DAGLB: variants seen among roughly 807,000 people sequenced by gnomAD.
The protein encoded by DAGLB is diacylglycerol lipase-beta.
In DAGLB, 66 loss-of-function variants were observed where a neutral mutation model predicts 72.1. The ratio of observed to expected loss-of-function variants is 0.92; its 90% CI spans 0.75 to 1.12. DAGLB has a LOEUF of 1.12. DAGLB is among the 50% of genes most tolerant of loss of function. DAGLB has a pLI of 0.00. For synonymous variants in DAGLB, 414 were observed against 359.5 expected, an observed-to-expected ratio of 1.15 and a Z score of -1.71; for missense variants, 1,065 against 884.9, an observed-to-expected ratio of 1.20 and a Z score of -2.58.
At chr7:6,436,565 T>C in intron 2 of DAGLB, 32 bp from the exon 3 acceptor site, 4 of 1,613,256 alleles carry the variant, frequency 2.5e-6, no homozygotes, top group Non-Finnish European at 2.5e-6. Context: ...GACTGCTCAG[T>C]TGCTTCCTCA....
rs1350495521 is a variant in DAGLB, at chr7:6,409,525, C to T, written c.*312G>A. The T allele has an allele frequency of 1.3e-5, 5 of 397,196 alleles. No homozygotes were observed. Among genetic ancestry groups the T allele is most frequent in the East Asian group, 5.0e-5 (1 of 19,960 alleles). 24.6% of individuals were successfully genotyped at this position (397,196 alleles called of 1,614,324 possible). A position where few individuals can be genotyped will look rare whatever the true frequency, so the allele number is the denominator to read the frequency against. ...GTCTTCTGGGTGGGCCCTGGATTCC[C>T]GCACTTCTGGAGCAGTCCTCAGACA... On this transcript the variant is annotated 3_prime_UTR_variant, in exon 15 of 15. Coordinates refer to ENST00000297056, the MANE Select transcript of DAGLB (RefSeq NM_139179.4).
chr7:6,433,614 C>T (rs1261013836), intron 4 of DAGLB, among the ~76,000 whole-genome samples: 3 of 152,070 alleles, frequency 2.0e-5, no homozygotes, highest in South Asian at 2.1e-4. Context: ...CCGAGGTGGG[C>T]GGATCACCTG....
rs759270435 is a variant in DAGLB at position 6,412,831 on chromosome 7, C to T, written c.1549G>A (p.Ala517Thr). 20 of 1,594,246 alleles carry T rather than the reference C, an allele frequency of 1.3e-5. No individual in the cohort carries two copies. The highest frequency in any genetic ancestry group is 5.2e-5 in the Admixed American group (3 of 57,558). Residue 517 changes from alanine to threonine, a missense_variant, in exon 13 of 15, where the codon GCG (alanine) becomes ACG (threonine). By Grantham distance (58) the Ala-to-Thr change is moderately conservative. Transcript: ENST00000297056. ...DLKRRILRVV[A>T]HCNKPKYKIL... ...CTTACCTTGGGTTTATTGCAGTGCG[C>T]GACCACTCGCAAGATTCTTCTCTTC... is the stretch of plus-strand genomic sequence containing the variant.
Position 6,422,345 on chromosome 7 carries a change from A to G in DAGLB, c.1141-541T>C. ...AGAGGACAGGCGGCGTCCTCCCAAC[A>G]GGGGCAGCAGGACCCGCTGGCTGGG... On this transcript the variant is annotated intron_variant, in intron 8 of 14. Coordinates refer to ENST00000297056, the MANE Select transcript of DAGLB (RefSeq NM_139179.4). 3 of 248,920 alleles carry G rather than the reference A, an allele frequency of 1.2e-5. No homozygotes were observed. In the South Asian group the frequency reaches 1.3e-4, roughly 11 times the overall value. The allele number at this position is 248,920 out of a possible 1,614,324, so 15.4% of individuals were successfully genotyped here.
At position 6,410,167 on chromosome 7, in the gene DAGLB, T is replaced by A. The variant is rs760967486; in HGVS notation, c.1783A>T (p.Arg595Trp). The A allele has an allele frequency of 1.4e-5, 22 of 1,584,340 alleles. No individual in the cohort carries two copies. Among genetic ancestry groups the A allele is most frequent in the Non-Finnish European group, 1.9e-5 (22 of 1,162,544 alleles). The change falls in exon 14 of 15, where the codon AGG (arginine) becomes TGG (tryptophan). Residue 595 changes from arginine to tryptophan, a missense_variant. Transcript: ENST00000297056. Reference sequence around the variant, plus strand: ...CCCTCCTCCTGCAGGTGGATGATCCTGCCGGGAGGGTAGAGAGGGGGGTAC... The same window carrying A: ...CCCTCCTCCTGCAGGTGGATGATCCAGCCGGGAGGGTAGAGAGGGGGGTAC... ...PKYPPLYPPG[R>W]IIHLQEEGAS...
chr7:6,446,077 G>C lies in DAGLB; in HGVS notation c.123C>G (p.Leu41=). 1.9e-6 allele frequency: 3 copies of C among 1,593,008 alleles called. No individual in the cohort carries two copies. The highest frequency in any genetic ancestry group is 2.6e-6 in the Non-Finnish European group (3 of 1,173,804). Residue 41 remains leucine, a synonymous_variant, in exon 2 of 15, where the codon CTC becomes CTG. Transcript: ENST00000297056. ...CACAGTCCAGCTTTCCTCTGTGCAT[G>C]AGATACAACGTCAGAATGCCAATCC... The part of the protein sequence containing the change: ...LWWIGILTLY[L]MHRGKLDCAG...
Position 6,430,621 on chromosome 7 carries a change from A to C in DAGLB, c.802-14T>G. ...CAGATCAGCTTCCTACAAGAGAAGGACAAAAACTACTGTTTATTAAGGGAA... is the reference window on the plus strand; with the variant it reads ...CAGATCAGCTTCCTACAAGAGAAGGCCAAAAACTACTGTTTATTAAGGGAA... On this transcript the variant is annotated splice_polypyrimidine_tract_variant and intron_variant, in intron 5 of 14. Transcript: ENST00000297056. 1 of 1,574,808 alleles carries C rather than the reference A, an allele frequency of 6.3e-7. No homozygotes were observed. Among genetic ancestry groups the C allele is most frequent in the Non-Finnish European group, 8.7e-7 (1 of 1,155,586 alleles).
At chr7:6,415,826 C>CA (rs1783891559) in intron 11 of DAGLB, among the ~76,000 whole-genome samples, 1 of 144,574 alleles carries the variant, frequency 6.9e-6, no homozygotes, top group African/African-American at 2.6e-5. Flanking sequence ...GCCTGGGCGA[C>CA]AGAGCAAGAC....
intron 4 of DAGLB, among the ~76,000 whole-genome samples, chr7:6,434,256 T>C (rs1036132754): frequency 6.6e-6 from 1 of 152,072 alleles, no homozygotes; most frequent in Non-Finnish European, 1.5e-5. Flanking sequence ...AAAACAAGCA[T>C]TTTCAAATTG....
At chr7:6,423,208 C>T (rs900011560) in intron 8 of DAGLB, among the ~76,000 whole-genome samples, 1 of 152,132 alleles carries the variant, frequency 6.6e-6, no homozygotes, top group Non-Finnish European at 1.5e-5. Flanking sequence ...GCTGACTGTA[C>T]CATCGTACTC....
rs758913450 is a variant in DAGLB at position 6,421,769 on chromosome 7, C to T, written c.1176G>A (p.Val392=). 2 of 1,613,376 alleles carry T rather than the reference C, an allele frequency of 1.2e-6. No homozygotes were observed. Among genetic ancestry groups the T allele is most frequent in the East Asian group, 2.2e-5 (1 of 44,880 alleles). ...VLTDLSAESE[V]LDVECEVQDR... ...CCTGCACCTCACACTCCACGTCCAG[C>T]ACCTCACTCTCCGCTGACAGGTCCG... The change falls in exon 9 of 15, where the codon GTG becomes GTA. Residue 392 remains valine, a synonymous_variant. Transcript: ENST00000297056.
chr7:6,411,552 G>C (rs1002451664), intron 13 of DAGLB, among the ~76,000 whole-genome samples: 3 of 152,156 alleles, frequency 2.0e-5, no homozygotes, highest in Non-Finnish European at 4.4e-5. Flanking sequence ...AGTTGAACTT[G>C]GGAGGCTGCA....
chr7:6,431,509 C>A (rs757177591), intron 5 of DAGLB, among the ~76,000 whole-genome samples: 1 of 152,194 alleles, frequency 6.6e-6, no homozygotes, highest in African/African-American at 2.4e-5. Flanking sequence ...CAGTGGCTCA[C>A]GCCTGTAATC....
chr7:6,416,178 G>C (rs564857992), intron 11 of DAGLB: 1 of 153,162 alleles, frequency 6.5e-6, no homozygotes, highest in African/African-American at 2.4e-5. Flanking sequence ...AAATCATTGA[G>C]GAAATTACAG....
At chr7:6,412,482 T>G (rs1387044016) in intron 13 of DAGLB, 1 of 256,796 alleles carries the variant, frequency 3.9e-6, no homozygotes, top group African/African-American at 2.2e-5. Context: ...TTTTTTAGAA[T>G]AGAGACAGGG....
intron 8 of DAGLB, among the ~76,000 whole-genome samples, chr7:6,423,928 C>T (rs886926096): frequency 1.3e-5 from 2 of 152,104 alleles, no homozygotes; most frequent in Non-Finnish European, 2.9e-5. Context: ...ACAGGGCGCC[C>T]CCCGGGAGGA....
intron 2 of DAGLB, among the ~76,000 whole-genome samples, chr7:6,437,632 G>C (rs1370455057): frequency 6.6e-6 from 1 of 151,766 alleles, no homozygotes; most frequent in Non-Finnish European, 1.5e-5. Flanking sequence ...GTTTTTTTGT[G>C]GGCGTTTTTT....
At chr7:6,427,644 G>A (rs548657936) in intron 6 of DAGLB, among the ~76,000 whole-genome samples, 9 of 152,190 alleles carry the variant, frequency 5.9e-5, no homozygotes, top group East Asian at 1.9e-4. Flanking sequence ...ATACATAGGC[G>A]TGGTGGCTTA....
At position 6,447,805 on chromosome 7, in the gene DAGLB, A is replaced by G; in HGVS notation, c.38T>C (p.Ile13Thr). Residue 13 changes from isoleucine (I) to threonine (T), a missense_variant, in exon 1 of 15, where the codon ATC becomes ACC. By Grantham distance (89) the Ile-to-Thr change is moderately conservative (BLOSUM62 -1). Transcript: ENST00000297056. ...TGGGAAGACCAAGTCGTCGCTGGCG[A>G]TGGCCCAGCGCCGGCCGAAGAGTAC... ...GMVLFGRRWA[I>T]ASDDLVFPGF... The G allele has an allele frequency of 6.2e-7, 1 of 1,613,438 alleles. No individual in the cohort carries two copies. The highest frequency in any genetic ancestry group is 8.5e-7 in the Non-Finnish European group (1 of 1,179,778).
Sources: allele counts gnomAD v4.1 joint callset (sites outside exome capture counted in the v4.1 genomes callset), GRCh38; gene constraint gnomAD v4.1.1; transcripts MANE v1.5; gene names NCBI Gene and HGNC (gene_info 2026-07-23, HGNC 2026-07-21).